SLCO2A1: variants seen among roughly 807,000 people sequenced by gnomAD.
SLCO2A1 encodes the protein matrin F/G 1.
In SLCO2A1, 60 loss-of-function variants were observed where a neutral mutation model predicts 71.7. The observed-to-expected ratio is 0.84, with a 90% CI of 0.68 to 1.04. The LOEUF is 1.04. Ranked by LOEUF, SLCO2A1 falls within the 50% of genes least tolerant of loss-of-function variation. SLCO2A1 has a pLI of 0.00. For missense variants in SLCO2A1, 745 were observed against 813.4 expected, an observed-to-expected ratio of 0.92 and a Z score of 1.02; for synonymous variants, 308 against 326.7, an observed-to-expected ratio of 0.94 and a Z score of 0.62.
rs1050521135 is a variant in SLCO2A1 at position 133,968,830 on chromosome 3, A to G, written c.397+4833T>C. Among the ~76,000 whole-genome samples, 19 of 152,336 alleles carry G rather than the reference A, an allele frequency of 1.2e-4. No homozygotes were observed. In the South Asian group the frequency reaches 1.7e-3, roughly 13 times the overall value. ...ACGTGGTCTTAGAGGCTTTGGCTGGATAGCTCGTTTTTTCTCTAAAGGCGC... is the reference window on the plus strand; with the variant it reads ...ACGTGGTCTTAGAGGCTTTGGCTGGGTAGCTCGTTTTTTCTCTAAAGGCGC... On this transcript the variant is annotated intron_variant, in intron 3 of 13. Coordinates refer to ENST00000310926, the MANE Select transcript of SLCO2A1 (RefSeq NM_005630.3).
At chr3:133,986,908 G>A (rs991974704) in intron 1 of SLCO2A1, among the ~76,000 whole-genome samples, 1 of 152,006 alleles carries the variant, frequency 6.6e-6, no homozygotes, top group Non-Finnish European at 1.5e-5. Flanking sequence ...ACTAAACATC[G>A]GAACTACGAT....
chr3:133,997,734 T>C (rs1187320986), intron 1 of SLCO2A1, among the ~76,000 whole-genome samples: 1 of 152,228 alleles, frequency 6.6e-6, no homozygotes. Context: ...TGGTATTTTT[T>C]AAATGGCAGC....
At chr3:134,023,190 G>A (rs376122280) in intron 1 of SLCO2A1, among the ~76,000 whole-genome samples, 16 of 151,838 alleles carry the variant, frequency 1.1e-4, no homozygotes, top group African/African-American at 1.9e-4. Context: ...TCAAGAAAGC[G>A]CCACCCCCTC....
chr3:133,971,911 T>C (rs1934336469), intron 3 of SLCO2A1, among the ~76,000 whole-genome samples: 1 of 152,118 alleles, frequency 6.6e-6, no homozygotes, highest in Non-Finnish European at 1.5e-5. Flanking sequence ...AACCACTCTG[T>C]AGGGCTATTT....
chr3:134,025,670 T>G (rs1261537107), intron 1 of SLCO2A1, among the ~76,000 whole-genome samples: 1 of 151,450 alleles, frequency 6.6e-6, no homozygotes, highest in African/African-American at 2.4e-5. Flanking sequence ...AAAAAAAAAA[T>G]GAAAAAGATC....
At chr3:133,989,842 T>A (rs150225743) in intron 1 of SLCO2A1, among the ~76,000 whole-genome samples, 239 of 152,390 alleles carry the variant, frequency 1.6e-3, no homozygotes, top group African/African-American at 5.4e-3. Context: ...AGCACAGTTA[T>A]AATTGCAAAG....
chr3:134,028,599 C>T (rs1456891416), intron 1 of SLCO2A1, among the ~76,000 whole-genome samples: 1 of 152,320 alleles, frequency 6.6e-6, no homozygotes, highest in East Asian at 1.9e-4. Flanking sequence ...ACACATATAA[C>T]CAGTCCACGG....
At chr3:133,943,305 G>C (rs905310209) in intron 10 of SLCO2A1, among the ~76,000 whole-genome samples, 4 of 152,164 alleles carry the variant, frequency 2.6e-5, no homozygotes, top group African/African-American at 4.8e-5. Context: ...TCTCAAGTCT[G>C]CAAGTCCATA....
At chr3:133,997,222 G>C (rs765635773) in intron 1 of SLCO2A1, among the ~76,000 whole-genome samples, 4 of 152,072 alleles carry the variant, frequency 2.6e-5, no homozygotes, top group African/African-American at 4.8e-5. Flanking sequence ...TGATCCCCAC[G>C]GCTGGTGCCA....
chr3:134,028,239 G>A (rs1324073643), intron 1 of SLCO2A1, among the ~76,000 whole-genome samples: 1 of 152,082 alleles, frequency 6.6e-6, no homozygotes, highest in Non-Finnish European at 1.5e-5. Context: ...GCCCCACCCT[G>A]GTTCCTGCAG....
At chr3:134,028,058 A>C (rs984558535) in intron 1 of SLCO2A1, among the ~76,000 whole-genome samples, 2 of 152,216 alleles carry the variant, frequency 1.3e-5, no homozygotes, top group Non-Finnish European at 1.5e-5. Flanking sequence ...AACACATGAG[A>C]AATCATCTTA....
chr3:134,004,581 G>T (rs149921021), intron 1 of SLCO2A1, among the ~76,000 whole-genome samples: 1 of 152,110 alleles, frequency 6.6e-6, no homozygotes, highest in Non-Finnish European at 1.5e-5. Flanking sequence ...TGAACCACCC[G>T]CCTCAGCCTC....
chr3:133,935,833 C>A lies in SLCO2A1; in HGVS notation c.1755G>T (p.Ser585=), dbSNP rs149850080. 211 of 1,611,488 alleles carry A rather than the reference C, an allele frequency of 1.3e-4. No homozygotes were observed. The highest frequency in any genetic ancestry group is 1.8e-4 in the Non-Finnish European group (207 of 1,178,514). Residue 585 remains serine (S), a synonymous_variant, in exon 13 of 14, where the codon TCG becomes TCT. Transcript: ENST00000310926. ...TIDHSCIRWN[S]LCLGRRGACA... is the part of the protein sequence containing the mutation. ...AGGCCCCTCGCCTCCCCAAGCACAG[C>A]GAGTTCCACCGGATGCAGGAGTGGT...
Position 133,955,009 on chromosome 3 carries a change from A to G in SLCO2A1, c.582T>C (p.Tyr194=). 6.2e-7 allele frequency: 1 copy of G among 1,614,136 alleles called. No individual in the cohort carries two copies. The highest frequency in any genetic ancestry group is 8.5e-7 in the Non-Finnish European group (1 of 1,180,014). ...TVPIQPFGIS[Y]VDDFSEPSNS... is the part of the protein sequence containing the mutation. Reference sequence around the variant, plus strand: ...TGCTGGGCTCTGAGAAGTCATCCACATAGGAGATCCCAAATGGCTGAATAG... The same window carrying G: ...TGCTGGGCTCTGAGAAGTCATCCACGTAGGAGATCCCAAATGGCTGAATAG... Residue 194 remains tyrosine, a synonymous_variant, in exon 4 of 14, where the codon TAT becomes TAC. Transcript: ENST00000310926.
intron 1 of SLCO2A1, among the ~76,000 whole-genome samples, chr3:134,018,570 C>T (rs1212812525): frequency 6.6e-6 from 1 of 152,164 alleles, no homozygotes; most frequent in Non-Finnish European, 1.5e-5. Flanking sequence ...CCGGGATGTT[C>T]CCTCACTGAT....
At chr3:133,978,923 C>T (rs1559943585) in intron 2 of SLCO2A1, among the ~76,000 whole-genome samples, 1 of 152,160 alleles carries the variant, frequency 6.6e-6, no homozygotes, top group South Asian at 2.1e-4. Context: ...AGGAAATGCT[C>T]GGAGGCCATA....
chr3:134,007,147 T>C (rs1935237915), intron 1 of SLCO2A1, among the ~76,000 whole-genome samples: 1 of 152,246 alleles, frequency 6.6e-6, no homozygotes, highest in Non-Finnish European at 1.5e-5. Flanking sequence ...TCTATTCAAG[T>C]CCTTTGCCAA....
rs184853591 is a variant in SLCO2A1, at chr3:133,979,506, G to A, written c.209C>T (p.Ser70Leu). 89 of 1,614,162 alleles carry A rather than the reference G, an allele frequency of 5.5e-5. 1 individual carries two copies. The Admixed American group carries it at 6.7e-4, about 12-fold the overall frequency. The change falls in exon 2 of 14, where the codon TCG becomes TTG. Residue 70 changes from serine (S) to leucine (L), a missense_variant. By Grantham distance (145) the Ser-to-Leu change is moderately radical. Transcript: ENST00000310926. Reference sequence around the variant, plus strand: ...CTCATTCAAGCTGGAAATGAGACCCGATGAAGAACTGGAGAGCCCAAAGCG... The same window carrying A: ...CTCATTCAAGCTGGAAATGAGACCCAATGAAGAACTGGAGAGCCCAAAGCG... ...EKRFGLSSSS[S>L]GLISSLNEIS...
chr3:134,029,602 C>G, intron 1 of SLCO2A1, 105 bp downstream of exon 1: 1 of 857,636 alleles, frequency 1.2e-6, no homozygotes, highest in Non-Finnish European at 1.7e-6. Context: ...AGGAGGGAGC[C>G]CGGGGCTCCC....
Sources: allele counts gnomAD v4.1 joint callset (sites outside exome capture counted in the v4.1 genomes callset), GRCh38; gene constraint gnomAD v4.1.1; transcripts MANE v1.5; gene names NCBI Gene and HGNC (gene_info 2026-07-23, HGNC 2026-07-21).